The following AGPS variants were observed in gnomAD, a reference collection of about 807,000 sequenced individuals.
The protein encoded by AGPS is alkylglycerone phosphate synthase.
A neutral mutation model predicts 90.7 loss-of-function variants in AGPS; 26 were observed. The observed-to-expected ratio is 0.29, with a 90% CI of 0.21 to 0.40. The LOEUF (loss-of-function observed/expected upper bound fraction) is 0.40. Among genes scored for constraint, AGPS ranks in the 10% least tolerant of loss-of-function variants. The pLI, the probability that AGPS is intolerant of heterozygous loss-of-function variation, is 1.00. For missense variants in AGPS, 540 were observed against 816.1 expected (o/e 0.66, Z 4.12); for synonymous variants, 294 against 285.3 (o/e 1.03, Z -0.31).
chr2:177,524,841 A>G (rs2079067518), intron 19 of AGPS, among the ~76,000 whole-genome samples: 1 of 152,206 alleles, frequency 6.6e-6, no homozygotes, highest in African/African-American at 2.4e-5. Context: ...GAATGAAAGA[A>G]TTCTGTTGGA....
chr2:177,516,698 A>G (rs1689031659), intron 17 of AGPS, among the ~76,000 whole-genome samples: 1 of 152,158 alleles, frequency 6.6e-6, no homozygotes, highest in Non-Finnish European at 1.5e-5. Flanking sequence ...TTGAAAGATG[A>G]TAATGCTCTA....
intron 19 of AGPS, among the ~76,000 whole-genome samples, chr2:177,535,846 A>T (rs1326767184): frequency 6.6e-6 from 1 of 152,134 alleles, no homozygotes. Context: ...CGAAGGGGTT[A>T]AATGCTTTTA....
chr2:177,428,158 T>C (rs1686134490), intron 2 of AGPS, among the ~76,000 whole-genome samples: 1 of 152,202 alleles, frequency 6.6e-6, no homozygotes, highest in South Asian at 2.1e-4. Context: ...CACCTGCTTT[T>C]TTCTGTTTTG....
intron 10 of AGPS, among the ~76,000 whole-genome samples, chr2:177,468,733 G>C (rs1687528343): frequency 6.6e-6 from 1 of 151,858 alleles, no homozygotes; most frequent in South Asian, 2.1e-4. Context: ...TATGTTTCTA[G>C]AGACAGCTTG....
intron 1 of AGPS, among the ~76,000 whole-genome samples, chr2:177,399,562 C>G (rs1056599524): frequency 6.6e-6 from 1 of 152,126 alleles, no homozygotes; most frequent in Admixed American, 6.5e-5. Flanking sequence ...AATATTTACC[C>G]TGAATTACAC....
At chr2:177,511,689 T>C (rs1195784302) in intron 16 of AGPS, among the ~76,000 whole-genome samples, 1 of 152,140 alleles carries the variant, frequency 6.6e-6, no homozygotes, top group South Asian at 2.1e-4. Flanking sequence ...AATTTGAAAA[T>C]ATGCAGTTAT....
At chr2:177,521,499 A>G (rs1689192398) in intron 18 of AGPS, 131 bp downstream of exon 18, 1 of 785,828 alleles carries the variant, frequency 1.3e-6, no homozygotes, top group Admixed American at 2.0e-5. Context: ...GCCCTTAGAA[A>G]TGAAAAGCAT....
chr2:177,491,219 GTTC>G (rs1265654925), intron 11 of AGPS, among the ~76,000 whole-genome samples: 3 of 151,446 alleles, frequency 2.0e-5, no homozygotes, highest in Non-Finnish European at 2.9e-5. Flanking sequence ...ACGGAATAGT[GTTC>G]TTCTTTATAA....
intron 11 of AGPS, among the ~76,000 whole-genome samples, chr2:177,483,400 CA>C (rs895601273): frequency 6.6e-6 from 1 of 152,154 alleles, no homozygotes; most frequent in African/African-American, 2.4e-5. Flanking sequence ...GCTATATGAC[CA>C]CCTAATTCAC....
intron 5 of AGPS, among the ~76,000 whole-genome samples, chr2:177,439,420 T>G (rs1686526525): frequency 6.6e-6 from 1 of 152,166 alleles, no homozygotes; most frequent in South Asian, 2.1e-4. Context: ...TTAGGTGACA[T>G]TCCTAGAAGA....
intron 9 of AGPS, among the ~76,000 whole-genome samples, chr2:177,465,623 C>T (rs933422737): frequency 2.0e-5 from 3 of 152,226 alleles, no homozygotes; most frequent in Non-Finnish European, 4.4e-5. Flanking sequence ...GCAGGACGGG[C>T]AGCTCCAGGC....
chr2:177,434,317 T>G lies in AGPS; in HGVS notation c.351-10T>G, dbSNP rs755713066. ...TTTGCTCTAATATTTTTACTTTCTTTGTACCTTAGGTACCCTCTTAGTGGC... is the reference window on the plus strand; with the variant it reads ...TTTGCTCTAATATTTTTACTTTCTTGGTACCTTAGGTACCCTCTTAGTGGC... On this transcript the variant is annotated splice_polypyrimidine_tract_variant and intron_variant, in intron 2 of 19. Transcript: ENST00000264167. The G allele has an allele frequency of 1.3e-6, 2 of 1,589,088 alleles. No individual in the cohort carries two copies. The highest frequency in any genetic ancestry group is 1.7e-6 in the Non-Finnish European group (2 of 1,159,402).
intron 11 of AGPS, among the ~76,000 whole-genome samples, chr2:177,492,158 C>T (rs892855946): frequency 9.9e-5 from 15 of 152,102 alleles, no homozygotes; most frequent in East Asian, 9.6e-4. Flanking sequence ...GATAAAGGTG[C>T]GGTAGAATGT....
chr2:177,525,794 C>T (rs900266595), intron 19 of AGPS, among the ~76,000 whole-genome samples: 8 of 152,116 alleles, frequency 5.3e-5, no homozygotes, highest in Non-Finnish European at 8.8e-5. Context: ...GTTTTTTCCT[C>T]GGCCAGTGAC....
rs188611962 is a variant in AGPS, at chr2:177,539,300, T to A, written c.*1105T>A. The A allele has an allele frequency of 6.6e-5, 10 of 152,186 alleles. No individual in the cohort carries two copies. Among genetic ancestry groups the A allele is most frequent in the Admixed American group, 3.3e-4 (5 of 15,266 alleles). 9.4% of individuals were successfully genotyped at this position (152,186 alleles called of 1,614,324 possible). A position where few individuals can be genotyped will look rare whatever the true frequency, so the allele number is the denominator to read the frequency against. On this transcript the variant is annotated 3_prime_UTR_variant, in exon 20 of 20. Transcript: ENST00000264167. ...ATAACTGGTTTAACCTAATTTTTTTTAAATGTAATGTATTAATGCATATAC... is the reference window on the plus strand; with the variant it reads ...ATAACTGGTTTAACCTAATTTTTTTAAAATGTAATGTATTAATGCATATAC...
chr2:177,403,945 C>A (rs1261229680), intron 1 of AGPS, among the ~76,000 whole-genome samples: 1 of 152,090 alleles, frequency 6.6e-6, no homozygotes, highest in African/African-American at 2.4e-5. Flanking sequence ...TTAATAATTT[C>A]CTTAAGGCAC....
chr2:177,464,459 T>C (rs562920476), intron 9 of AGPS, among the ~76,000 whole-genome samples: 7 of 152,362 alleles, frequency 4.6e-5, no homozygotes, highest in African/African-American at 1.2e-4. Context: ...ACGATGCTCA[T>C]AGCTTATTTA....
chr2:177,518,837 T>A (rs1689099315), intron 17 of AGPS, among the ~76,000 whole-genome samples: 1 of 151,986 alleles, frequency 6.6e-6, no homozygotes, highest in South Asian at 2.1e-4. Flanking sequence ...TCTGTGTCCT[T>A]TTGATCTGGG....
chr2:177,497,618 G>A, intron 12 of AGPS, 71 bp from the exon 13 acceptor site: 2 of 785,358 alleles, frequency 2.5e-6, no homozygotes, highest in East Asian at 5.6e-5. Flanking sequence ...AGGATTCTAA[G>A]TTGGAGTAGC....
Sources: gnomAD v4.1 joint callset for allele counts (sites outside exome capture counted in the v4.1 genomes callset) on GRCh38, gnomAD v4.1.1 for gene constraint, MANE v1.5 for transcripts, NCBI Gene and HGNC (gene_info 2026-07-23, HGNC 2026-07-21) for gene names.